B3GALT1: variants seen among roughly 807,000 people sequenced by gnomAD.
The protein encoded by B3GALT1 is UDP-Gal:betaGlcNAc beta 1,3-galactosyltransferase, polypeptide 1.
Under a neutral mutation model 23.2 loss-of-function variants are expected in B3GALT1, and 10 were observed. The ratio of observed to expected loss-of-function variants is 0.43; its 90% confidence interval spans 0.27 to 0.73. The LOEUF (loss-of-function observed/expected upper bound fraction) is 0.73, where lower values mean the gene tolerates loss of function less well. Among genes scored for constraint, B3GALT1 ranks in the 30% least tolerant of loss-of-function variants. B3GALT1 has a pLI of 0.21. For synonymous variants in B3GALT1, 156 were observed against 141.5 expected (o/e 1.10, Z -0.73); for missense variants, 299 against 405.4 (o/e 0.74, Z 2.25).
At chr2:167,401,503 CT>C (rs1698188642) in intron 1 of B3GALT1, among the ~76,000 whole-genome samples, 1 of 152,022 alleles carries the variant, frequency 6.6e-6, no homozygotes, top group South Asian at 2.1e-4. Context: ...AATATACAGG[CT>C]CTTACCCTTG....
At chr2:167,631,311 C>A (rs1685438480) in intron 2 of B3GALT1, among the ~76,000 whole-genome samples, 1 of 151,770 alleles carries the variant, frequency 6.6e-6, no homozygotes, top group Non-Finnish European at 1.5e-5. Flanking sequence ...GACAAAACAC[C>A]TGGAGAAGAG....
rs1290255472 is a variant in B3GALT1 at position 167,872,291 on chromosome 2, G to T, written c.*2271G>T. 1 of 152,168 alleles carries T rather than the reference G, an allele frequency of 6.6e-6. No homozygotes were observed. Among genetic ancestry groups the T allele is most frequent in the Non-Finnish European group, 1.5e-5 (1 of 68,058 alleles). The allele number at this position is 152,168 out of a possible 1,614,324, so 9.4% of individuals were successfully genotyped here. A position where few individuals can be genotyped will look rare whatever the true frequency, so the allele number is the denominator to read the frequency against. ...ACACAATGAATAAGTGGAAGTCATG[G>T]CTTGTTTCTGCAAAACACGATCTCT... On this transcript the variant is annotated 3_prime_UTR_variant, in exon 5 of 5. Transcript: ENST00000392690.
intron 1 of B3GALT1, among the ~76,000 whole-genome samples, chr2:167,329,309 G>C (rs1696938976): frequency 6.6e-6 from 1 of 152,098 alleles, no homozygotes; most frequent in Non-Finnish European, 1.5e-5. Flanking sequence ...TATTTGTATA[G>C]TTTCCAAAGT....
intron 1 of B3GALT1, among the ~76,000 whole-genome samples, chr2:167,306,157 A>T (rs547147329): frequency 6.6e-6 from 1 of 152,122 alleles, no homozygotes; most frequent in Non-Finnish European, 1.5e-5. Context: ...TGAATGTATT[A>T]TGTATAATAA....
intron 3 of B3GALT1, among the ~76,000 whole-genome samples, chr2:167,695,897 G>A (rs1308499412): frequency 1.3e-5 from 2 of 152,112 alleles, no homozygotes; most frequent in African/African-American, 4.8e-5. Context: ...ATTCCAACCA[G>A]AGGGAAAGGA....
At chr2:167,813,301 C>T (rs1357893567) in intron 3 of B3GALT1, among the ~76,000 whole-genome samples, 5 of 152,090 alleles carry the variant, frequency 3.3e-5, no homozygotes, top group Non-Finnish European at 7.4e-5. Context: ...CAGTTTGCTC[C>T]CAATGATTTC....
chr2:167,540,485 C>G (rs1054713979), intron 2 of B3GALT1, among the ~76,000 whole-genome samples: 3 of 152,284 alleles, frequency 2.0e-5, no homozygotes, highest in Middle Eastern at 3.4e-3. Flanking sequence ...AGTACTCTTC[C>G]TGATAGTAAA....
At chr2:167,808,419 A>G (rs1399014915) in intron 3 of B3GALT1, among the ~76,000 whole-genome samples, 3 of 151,158 alleles carry the variant, frequency 2.0e-5, no homozygotes, top group Non-Finnish European at 2.9e-5. Context: ...ACAGTTTGGC[A>G]TGTTTTTGCA....
chr2:167,324,273 T>C (rs1184961181), intron 1 of B3GALT1, among the ~76,000 whole-genome samples: 1 of 151,954 alleles, frequency 6.6e-6, no homozygotes, highest in Non-Finnish European at 1.5e-5. Context: ...GCTTAATAGT[T>C]GAAATTTATA....
At position 167,781,981 on chromosome 2, in the gene B3GALT1, G is replaced by A. The variant is rs185115003; in HGVS notation, c.-351-36691G>A. Among the ~76,000 whole-genome samples the A allele has an allele frequency of 2.6e-3, 400 of 152,220 alleles. 1 individual carries two copies. The highest frequency in any genetic ancestry group is 4.0e-3 in the Non-Finnish European group (273 of 68,002). ...TCGTCTCGAACTCCTGAGCTCAAGCGATCTGCCCGCCTCGCCCTCCCAAAG... is the reference window on the plus strand; with the variant it reads ...TCGTCTCGAACTCCTGAGCTCAAGCAATCTGCCCGCCTCGCCCTCCCAAAG... On this transcript the variant is annotated intron_variant, in intron 3 of 4. Transcript: ENST00000392690.
intron 2 of B3GALT1, among the ~76,000 whole-genome samples, chr2:167,499,958 G>T (rs1428779398): frequency 6.6e-6 from 1 of 152,008 alleles, no homozygotes; most frequent in East Asian, 1.9e-4. Flanking sequence ...ATACTGGCAG[G>T]TCAGGGGTGG....
At chr2:167,512,585 T>C (rs1298987272) in intron 2 of B3GALT1, among the ~76,000 whole-genome samples, 2 of 87,120 alleles carry the variant, frequency 2.3e-5, no homozygotes, top group African/African-American at 9.6e-5. Flanking sequence ...TATATGTATA[T>C]ATATATGTGT....
chr2:167,331,228 G>C (rs1357563754), intron 1 of B3GALT1, among the ~76,000 whole-genome samples: 1 of 152,168 alleles, frequency 6.6e-6, no homozygotes, highest in East Asian at 1.9e-4. Context: ...GGGCCCTAAT[G>C]ATCACAGCGG....
chr2:167,846,708 A>C (rs1689767443), intron 4 of B3GALT1, among the ~76,000 whole-genome samples: 3 of 152,148 alleles, frequency 2.0e-5, no homozygotes, highest in Non-Finnish European at 4.4e-5. Context: ...CAAAAACAAA[A>C]AAAAGTACAC....
At chr2:167,442,743 T>G (rs1361602396) in intron 1 of B3GALT1, among the ~76,000 whole-genome samples, 1 of 147,842 alleles carries the variant, frequency 6.8e-6, no homozygotes, top group African/African-American at 2.6e-5. Flanking sequence ...TCTTGTAAAT[T>G]TGTTTGAGTT....
intron 4 of B3GALT1, among the ~76,000 whole-genome samples, chr2:167,849,588 G>C (rs1689827987): frequency 6.6e-6 from 1 of 152,146 alleles, no homozygotes; most frequent in Non-Finnish European, 1.5e-5. Context: ...GCTCAAGATG[G>C]ATTAAGGACT....
At chr2:167,337,173 A>G (rs1314646590) in intron 1 of B3GALT1, among the ~76,000 whole-genome samples, 2 of 152,198 alleles carry the variant, frequency 1.3e-5, no homozygotes, top group African/African-American at 4.8e-5. Context: ...TTTTAACTGA[A>G]AAATAAGCTT....
At chr2:167,755,667 C>A (rs1311051502) in intron 3 of B3GALT1, among the ~76,000 whole-genome samples, 1 of 151,928 alleles carries the variant, frequency 6.6e-6, no homozygotes, top group East Asian at 1.9e-4. Flanking sequence ...GAGCTATTTG[C>A]CTTTCAAAAG....
intron 3 of B3GALT1, among the ~76,000 whole-genome samples, chr2:167,677,622 C>G (rs1372300099): frequency 2.6e-5 from 4 of 152,198 alleles, no homozygotes; most frequent in Admixed American, 6.5e-5. Context: ...TCCCACCTTG[C>G]CCTGCTAGGG....
Sources: allele counts gnomAD v4.1 joint callset (sites outside exome capture counted in the v4.1 genomes callset), GRCh38; gene constraint gnomAD v4.1.1; transcripts MANE v1.5; gene names NCBI Gene and HGNC (gene_info 2026-07-23, HGNC 2026-07-21).